Variants in SUCLG2 observed in about 807,000 individuals in gnomAD.
The protein encoded by SUCLG2 is succinate-CoA ligase GDP-forming subunit beta.
SUCLG2 carries 42 observed loss-of-function variants against 47.9 expected under a neutral mutation model. The ratio of observed to expected loss-of-function variants is 0.88; its 90% CI spans 0.69 to 1.14. The LOEUF is 1.14. Ranked by LOEUF, SUCLG2 falls within the 50% of genes most tolerant of loss-of-function variation. The pLI is 0.00. For missense variants in SUCLG2, 571 were observed against 525.9 expected (o/e 1.09, Z -0.84); for synonymous variants, 195 against 197.3 (o/e 0.99, Z 0.10).
chr3:67,487,130 G>A (rs562037815), intron 9 of SUCLG2, among the ~76,000 whole-genome samples: 1 of 152,014 alleles, frequency 6.6e-6, no homozygotes, highest in African/African-American at 2.4e-5. Flanking sequence ...AGAGGAACAT[G>A]CCACTTCTGA....
chr3:67,603,186 A>G (rs987915342), intron 2 of SUCLG2, among the ~76,000 whole-genome samples: 3 of 152,338 alleles, frequency 2.0e-5, no homozygotes, highest in East Asian at 1.9e-4. Flanking sequence ...AATCAATGTT[A>G]TCCTTGTCTG....
At chr3:67,491,854 T>C (rs1575732202) in intron 9 of SUCLG2, among the ~76,000 whole-genome samples, 1 of 152,232 alleles carries the variant, frequency 6.6e-6, no homozygotes, top group East Asian at 1.9e-4. Context: ...TGTCTCAATA[T>C]GTGTAATAAA....
At chr3:67,362,605 C>T (rs1288115026) in intron 10 of SUCLG2, among the ~76,000 whole-genome samples, 2 of 152,136 alleles carry the variant, frequency 1.3e-5, no homozygotes, top group Non-Finnish European at 2.9e-5. Context: ...TCTGGGTCGC[C>T]ACTGTATCCT....
intron 2 of SUCLG2, among the ~76,000 whole-genome samples, chr3:67,556,185 A>T (rs1707154367): frequency 6.6e-6 from 1 of 152,218 alleles, no homozygotes; most frequent in Admixed American, 6.5e-5. Context: ...TAAATGTGAC[A>T]TGTGTTCCTG....
chr3:67,464,432 C>T (rs1704420251), intron 9 of SUCLG2, among the ~76,000 whole-genome samples: 1 of 152,188 alleles, frequency 6.6e-6, no homozygotes, highest in Admixed American at 6.5e-5. Context: ...CAAATTTCAA[C>T]CATCATGGCT....
chr3:67,376,175 CTT>C (rs1559636606), intron 10 of SUCLG2: 138 of 850,934 alleles, frequency 1.6e-4, no homozygotes, highest in Non-Finnish European at 1.8e-4. Flanking sequence ...CCAGAAGTCA[CTT>C]GTCTTAAAGC....
At chr3:67,603,275 T>C (rs756341415) in intron 2 of SUCLG2, among the ~76,000 whole-genome samples, 5 of 152,332 alleles carry the variant, frequency 3.3e-5, no homozygotes, top group South Asian at 2.1e-4. Flanking sequence ...CCACATGTCA[T>C]AGGACAAAGC....
chr3:67,647,144 G>C (rs1047031524), intron 1 of SUCLG2, among the ~76,000 whole-genome samples: 1 of 152,032 alleles, frequency 6.6e-6, no homozygotes, highest in Non-Finnish European at 1.5e-5. Context: ...AAATGGATGG[G>C]AGCAGAAAAA....
At chr3:67,625,150 G>A (rs904269710) in intron 1 of SUCLG2, among the ~76,000 whole-genome samples, 1 of 152,218 alleles carries the variant, frequency 6.6e-6, no homozygotes, top group Non-Finnish European at 1.5e-5. Context: ...TAGAAGTGAA[G>A]AGAGAATGAG....
intron 10 of SUCLG2, among the ~76,000 whole-genome samples, chr3:67,380,428 C>A (rs547906348): frequency 1.3e-5 from 2 of 152,280 alleles, no homozygotes; most frequent in Admixed American, 1.3e-4. Flanking sequence ...TCTCTCCTCC[C>A]AGCTGCTCCT....
chr3:67,621,422 G>C (rs1228920634), intron 1 of SUCLG2, among the ~76,000 whole-genome samples: 1 of 152,092 alleles, frequency 6.6e-6, no homozygotes, highest in Non-Finnish European at 1.5e-5. Flanking sequence ...TCATAAAAAA[G>C]GCACTTCTTT....
At chr3:67,608,597 G>A (rs1343629425) in intron 2 of SUCLG2, among the ~76,000 whole-genome samples, 1 of 151,866 alleles carries the variant, frequency 6.6e-6, no homozygotes, top group African/African-American at 2.4e-5. Flanking sequence ...ACACCCTAAT[G>A]CTCATACTGT....
In SUCLG2 at chr3:67,468,946, T is replaced by C. The variant is rs929031513; in HGVS notation, c.1062+26852A>G. Among the ~76,000 whole-genome samples, 3 of 152,156 alleles carry C rather than the reference T, an allele frequency of 2.0e-5. No individual in the cohort carries two copies. In the South Asian group the frequency reaches 6.2e-4, roughly 32 times the overall value. On this transcript the variant is annotated intron_variant, in intron 9 of 10. Transcript: ENST00000307227. ...ACGAGGAACATGCCCCTGCCTTCAA[T>C]CAGGTGTAAGGAGTGCGTACAAGGC... is the stretch of plus-strand genomic sequence containing the variant.
chr3:67,643,854 T>A (rs1701145297), intron 1 of SUCLG2, among the ~76,000 whole-genome samples: 1 of 152,174 alleles, frequency 6.6e-6, no homozygotes, highest in South Asian at 2.1e-4. Context: ...TTTTTGTATT[T>A]TTAGTAGAGA....
At chr3:67,369,182 TTTTG>T (rs1429914103) in intron 10 of SUCLG2, among the ~76,000 whole-genome samples, 7 of 152,180 alleles carry the variant, frequency 4.6e-5, no homozygotes, top group Non-Finnish European at 7.3e-5. Flanking sequence ...TTGATCACCT[TTTTG>T]TTTATTAACT....
At chr3:67,406,607 G>C (rs139746849) in intron 9 of SUCLG2, among the ~76,000 whole-genome samples, 3 of 152,272 alleles carry the variant, frequency 2.0e-5, no homozygotes, top group Non-Finnish European at 4.4e-5. Context: ...GAACAGAAAA[G>C]AGTGTGGTGC....
At chr3:67,476,445 C>T (rs1418580564) in intron 9 of SUCLG2, among the ~76,000 whole-genome samples, 1 of 152,102 alleles carries the variant, frequency 6.6e-6, no homozygotes, top group East Asian at 1.9e-4. Flanking sequence ...TCTCCCATCA[C>T]TACCAGATGG....
At chr3:67,407,632 G>A (rs560163062) in intron 9 of SUCLG2, among the ~76,000 whole-genome samples, 20 of 152,136 alleles carry the variant, frequency 1.3e-4, no homozygotes, top group Admixed American at 7.9e-4. Context: ...TAGCATATAC[G>A]TGAAGCACAG....
intron 9 of SUCLG2, among the ~76,000 whole-genome samples, chr3:67,492,002 C>G (rs954882404): frequency 5.9e-5 from 9 of 152,164 alleles, no homozygotes; most frequent in African/African-American, 2.2e-4. Flanking sequence ...GGCAGTCTGG[C>G]ATAAGAATCC....
Sources: gnomAD v4.1 joint callset for allele counts (sites outside exome capture counted in the v4.1 genomes callset) on GRCh38, gnomAD v4.1.1 for gene constraint, MANE v1.5 for transcripts, NCBI Gene and HGNC (gene_info 2026-07-23, HGNC 2026-07-21) for gene names.